Variants in SEC31A observed in about 807,000 individuals in gnomAD.
SEC31A encodes the protein SEC31 homolog A, COPII component.
Under a neutral mutation model 151.0 loss-of-function variants are expected in SEC31A, and 70 were observed. The ratio of observed to expected loss-of-function variants is 0.46; its 90% CI spans 0.38 to 0.57. The LOEUF (loss-of-function observed/expected upper bound fraction) is 0.57, where lower values mean the gene tolerates loss of function less well. Ranked by LOEUF, SEC31A falls within the 20% of genes least tolerant of loss-of-function variation. The probability of loss-of-function intolerance (pLI) is 0.00; values close to 1 mark genes in which losing one functional copy is unlikely to be tolerated. For missense variants in SEC31A, 1,330 were observed against 1,471.2 expected, an observed-to-expected ratio of 0.90 and a Z score of 1.57; for synonymous variants, 475 against 505.9, an observed-to-expected ratio of 0.94 and a Z score of 0.82.
upstream of SEC31A, chr4:82,894,734 G>T (rs926572856): frequency 6.6e-6 from 1 of 152,118 alleles, no homozygotes; most frequent in African/African-American, 2.4e-5. Flanking sequence ...CCACCCAAGT[G>T]TCAACATATA....
intron 3 of SEC31A, among the ~76,000 whole-genome samples, chr4:82,879,662 G>A (rs751640796): frequency 2.6e-5 from 4 of 152,168 alleles, no homozygotes; most frequent in Non-Finnish European, 5.9e-5. Flanking sequence ...AAGAATATGA[G>A]CGGTCCCATG....
intron 10 of SEC31A, among the ~76,000 whole-genome samples, chr4:82,865,436 G>T (rs1237099654): frequency 6.6e-6 from 1 of 151,586 alleles, no homozygotes; most frequent in Non-Finnish European, 1.5e-5. Context: ...ATCCCAAAAT[G>T]ATAATTACAA....
intron 4 of SEC31A, among the ~76,000 whole-genome samples, chr4:82,876,235 C>T (rs1265372602): frequency 6.6e-6 from 1 of 151,680 alleles, no homozygotes; most frequent in Non-Finnish European, 1.5e-5. Context: ...CTCAGCCTCC[C>T]GAGTAGCTAG....
At chr4:82,847,827 T>C (rs1730576046) in intron 20 of SEC31A, among the ~76,000 whole-genome samples, 1 of 152,172 alleles carries the variant, frequency 6.6e-6, no homozygotes, top group Admixed American at 6.6e-5. Context: ...AAAAAAATAT[T>C]TGTCAAATGA....
chr4:82,878,534 G>A (rs947270166), intron 4 of SEC31A, among the ~76,000 whole-genome samples, 196 bp downstream of exon 4: 6 of 151,982 alleles, frequency 3.9e-5, no homozygotes, highest in Non-Finnish European at 5.9e-5. Flanking sequence ...CCTATCAGCC[G>A]GATCCTTTTC....
chr4:82,880,327 T>G (rs1388125811), intron 3 of SEC31A, among the ~76,000 whole-genome samples: 1 of 152,180 alleles, frequency 6.6e-6, no homozygotes, highest in Non-Finnish European at 1.5e-5. Flanking sequence ...TGATTCCTCA[T>G]GCCTATAATC....
At chr4:82,890,999 G>A in intron 1 of SEC31A, 89 bp downstream of exon 1, 1 of 1,518,936 alleles carries the variant, frequency 6.6e-7, no homozygotes, top group Non-Finnish European at 8.8e-7. Context: ...GGGCAGCGGA[G>A]ACCCAGGCTG....
At chr4:82,859,786 A>C (rs1733646380) in intron 14 of SEC31A, among the ~76,000 whole-genome samples, 1 of 69,692 alleles carries the variant, frequency 1.4e-5, no homozygotes, top group African/African-American at 3.7e-5. Context: ...AACTTGCATA[A>C]AAATATTTTT....
intron 8 of SEC31A, among the ~76,000 whole-genome samples, chr4:82,867,860 T>C (rs1379125827): frequency 6.6e-6 from 1 of 152,244 alleles, no homozygotes; most frequent in Non-Finnish European, 1.5e-5. Flanking sequence ...CTTGAACTGC[T>C]GACCTCAAGT....
chr4:82,854,868 T>G, intron 17 of SEC31A, 35 bp downstream of exon 17: 1 of 1,569,672 alleles, frequency 6.4e-7, no homozygotes, highest in Non-Finnish European at 8.6e-7. Flanking sequence ...CTGCCACGTA[T>G]GTAAATGCAG....
At chr4:82,888,709 A>T (rs940122404) in intron 1 of SEC31A, among the ~76,000 whole-genome samples, 16 of 152,118 alleles carry the variant, frequency 1.1e-4, no homozygotes, top group East Asian at 1.9e-4. Context: ...AAAAAAAAAA[A>T]AAAATTTCTT....
At chr4:82,863,544 G>A (rs962145884) in intron 11 of SEC31A, 152 bp from the exon 12 acceptor site, 12 of 493,536 alleles carry the variant, frequency 2.4e-5, no homozygotes, top group Middle Eastern at 1.1e-3. Context: ...AAGAATAGTG[G>A]GTTTTTTTGT....
Position 82,857,718 on chromosome 4 carries a change from C to T in SEC31A, c.1673G>A (p.Gly558Glu), listed in dbSNP as rs139602231. The T allele has an allele frequency of 1.2e-6, 2 of 1,603,894 alleles. No homozygotes were observed. Among genetic ancestry groups the T allele is most frequent in the African/African-American group, 1.3e-5 (1 of 74,580 alleles). Residue 558 changes from glycine (G) to glutamate (E), a missense_variant, in exon 15 of 27, where the codon GGA becomes GAA. By Grantham distance (98) the Gly-to-Glu change is moderately conservative (BLOSUM62 -2). Coordinates refer to ENST00000395310, the MANE Select transcript of SEC31A (RefSeq NM_001077207.4). ...ACTGACAGAGATATTAAATGTTCCT[C>T]CAGATGAGGGTAGAAATTCAGATTC... ...KEESEFLPSS[G>E]GTFNISVSGD...
At chr4:82,867,421 T>A (rs1249794659) in intron 8 of SEC31A, 105 bp from the exon 9 acceptor site, 2 of 901,664 alleles carry the variant, frequency 2.2e-6, no homozygotes, top group Non-Finnish European at 3.3e-6. Flanking sequence ...AAATTGAATA[T>A]TTTTTTGTAG....
chr4:82,870,526 A>T, intron 7 of SEC31A, 102 bp from the exon 8 acceptor site: 1 of 914,962 alleles, frequency 1.1e-6, no homozygotes, highest in Non-Finnish European at 1.7e-6. Context: ...GTTAACAGAA[A>T]TACAATTAAA....
chr4:82,840,025 C>T (rs754722997), intron 22 of SEC31A, among the ~76,000 whole-genome samples: 6 of 152,160 alleles, frequency 3.9e-5, no homozygotes, highest in Non-Finnish European at 8.8e-5. Context: ...CAGGACTAAA[C>T]TACCTGGTAT....
chr4:82,849,245 C>T (rs79411788), intron 19 of SEC31A, among the ~76,000 whole-genome samples: 1,661 of 152,164 alleles, frequency 0.011, 16 homozygotes, highest in Non-Finnish European at 0.017. Flanking sequence ...TATGCAAGAC[C>T]AATATCACTT....
Position 82,848,785 on chromosome 4 carries a change from T to C in SEC31A, c.2502+19A>G, listed in dbSNP as rs2149325315. 4.4e-6 allele frequency: 7 copies of C among 1,595,910 alleles called. No individual in the cohort carries two copies. The South Asian group carries it at 6.8e-5, about 16-fold the overall frequency. The stretch of plus-strand genomic sequence containing the variant: ...GAAATACAAAAGTGTTCCTACTTCA[T>C]CTGGACCATATCACTCACATGGGGA... On this transcript the variant is annotated intron_variant, in intron 20 of 26. Coordinates refer to ENST00000395310, the MANE Select transcript of SEC31A (RefSeq NM_001077207.4).
chr4:82,888,271 G>A (rs1741239258), intron 1 of SEC31A, among the ~76,000 whole-genome samples: 2 of 144,492 alleles, frequency 1.4e-5, no homozygotes, highest in African/African-American at 2.6e-5. Flanking sequence ...AGCTACTCAG[G>A]AGGCCGAGGC....
Sources: allele counts gnomAD v4.1 joint callset (sites outside exome capture counted in the v4.1 genomes callset), GRCh38; gene constraint gnomAD v4.1.1; transcripts MANE v1.5; gene names NCBI Gene and HGNC (gene_info 2026-07-23, HGNC 2026-07-21).